Variants in MACROD1 observed in about 807,000 individuals in gnomAD.
MACROD1 encodes the protein mono-ADP ribosylhydrolase 1.
A neutral mutation model predicts 41.4 loss-of-function variants in MACROD1; 31 were observed. The ratio of observed to expected loss-of-function variants is 0.75; its 90% confidence interval spans 0.56 to 1.01. The LOEUF (loss-of-function observed/expected upper bound fraction) is 1.01. Among genes scored for constraint, MACROD1 ranks in the 50% least tolerant of loss-of-function variants. The probability of loss-of-function intolerance (pLI) is 0.00; values close to 1 mark genes in which losing one functional copy is unlikely to be tolerated. For synonymous variants in MACROD1, 252 were observed against 203.4 expected (o/e 1.24, Z -2.03); for missense variants, 473 against 460.0 (o/e 1.03, Z -0.26).
chr11:64,001,898 G>A (rs1179017283), intron 4 of MACROD1: 4 of 640,338 alleles, frequency 6.2e-6, no homozygotes, highest in Non-Finnish European at 1.1e-5. Flanking sequence ...ACAGATGTGT[G>A]ACCCCTCACA....
intron 3 of MACROD1, among the ~76,000 whole-genome samples, chr11:64,149,470 G>A (rs1232270176): frequency 3.3e-5 from 5 of 152,146 alleles, no homozygotes; most frequent in Admixed American, 1.3e-4. Flanking sequence ...AAAACCTGGC[G>A]ACTCCCAAGG....
chr11:64,044,414 CTAATTTTT>C (rs1299804425), intron 3 of MACROD1, among the ~76,000 whole-genome samples: 2 of 152,032 alleles, frequency 1.3e-5, no homozygotes, highest in Non-Finnish European at 2.9e-5. Flanking sequence ...AACACACTGG[CTAATTTTT>C]TAATTTGGCA....
chr11:64,088,046 C>T (rs996473232), intron 3 of MACROD1, among the ~76,000 whole-genome samples: 2 of 152,176 alleles, frequency 1.3e-5, no homozygotes, highest in African/African-American at 4.8e-5. Flanking sequence ...GTGGCCCTGT[C>T]ACTGGCTCTC....
chr11:64,150,606 A>G (rs1412784798), intron 3 of MACROD1, among the ~76,000 whole-genome samples: 1 of 152,200 alleles, frequency 6.6e-6, no homozygotes, highest in Non-Finnish European at 1.5e-5. Context: ...TTGGCACCCC[A>G]TGCCAAAGTC....
chr11:64,132,373 G>C (rs1945277951), intron 3 of MACROD1, among the ~76,000 whole-genome samples: 1 of 144,228 alleles, frequency 6.9e-6, no homozygotes, highest in Non-Finnish European at 1.5e-5. Flanking sequence ...GCCAAGAGCA[G>C]AAATTCTTTA....
rs76298781 is a variant in MACROD1, at chr11:64,000,338, C to T, written c.553G>A (p.Gly185Ser). 651 of 1,573,502 alleles carry T rather than the reference C, an allele frequency of 4.1e-4. 2 individuals carry two copies. In the African/African-American group the frequency reaches 8.3e-3, roughly 20 times the overall value. ...SSLLGGGGVD[G>S]CIHRAAGPLL... ...GGGCCGGCGGCCCGATGAATGCAGCCGTCCACTGCGGGAAGGGCGGGCGCG... is the reference window on the plus strand; with the variant it reads ...GGGCCGGCGGCCCGATGAATGCAGCTGTCCACTGCGGGAAGGGCGGGCGCG... Residue 185 changes from glycine (G) to serine (S), a missense_variant, in exon 5 of 11, where the codon GGC becomes AGC. Coordinates refer to ENST00000255681, the MANE Select transcript of MACROD1 (RefSeq NM_014067.4).
intron 3 of MACROD1, among the ~76,000 whole-genome samples, chr11:64,039,521 C>G (rs502224): frequency 6.6e-6 from 1 of 151,930 alleles, no homozygotes; most frequent in African/African-American, 2.4e-5. Flanking sequence ...CCATGGGACA[C>G]TCACCCTGAG....
rs185420622 is a variant in MACROD1, at chr11:64,086,949, T to A, written c.517+64290A>T. On this transcript the variant is annotated intron_variant, in intron 3 of 10. Coordinates refer to ENST00000255681, the MANE Select transcript of MACROD1 (RefSeq NM_014067.4). ...TGCCTCTCTCCTTGATGGCGGGGTA[T>A]GAAGAGAAGCCTTTTGACGCAGGGA... 11 of 152,244 alleles carry A rather than the reference T, an allele frequency of 7.2e-5. 1 individual carries two copies. The East Asian group carries it at 2.1e-3, about 30-fold the overall frequency. 9.4% of individuals were successfully genotyped at this position (152,244 alleles called of 1,614,324 possible). A position where few individuals can be genotyped will look rare whatever the true frequency, so the allele number is the denominator to read the frequency against.
At chr11:64,037,352 C>T (rs1195901259) in intron 3 of MACROD1, among the ~76,000 whole-genome samples, 2 of 152,118 alleles carry the variant, frequency 1.3e-5, no homozygotes, top group African/African-American at 2.4e-5. Flanking sequence ...AGGCAGCCGC[C>T]GCGCTCAGGG....
intron 3 of MACROD1, among the ~76,000 whole-genome samples, chr11:64,079,195 G>A (rs143639707): frequency 3.1e-3 from 478 of 152,254 alleles, no homozygotes; most frequent in Middle Eastern, 6.8e-3. Flanking sequence ...GTGGGATGAG[G>A]GAAGAGGGTG....
rs1944313883 is a variant in MACROD1 at position 64,082,068 on chromosome 11, G to A, written c.518-66787C>T. ...TGTGTGAGCTGCAGCGTCCTGGGCT[G>A]GGGCAGAGGGGCCGTGGCGAGAACA... On this transcript the variant is annotated intron_variant, in intron 3 of 10. Transcript: ENST00000255681. This position sits in a 1 kb window ranked among gnomAD's most constrained non-coding sequence, Gnocchi z 4.5. The A allele has an allele frequency of 6.6e-6, 1 of 152,270 alleles. No homozygotes were observed. Among genetic ancestry groups the A allele is most frequent in the Non-Finnish European group, 1.5e-5 (1 of 68,094 alleles). The allele number at this position is 152,270 out of a possible 1,614,324, so 9.4% of individuals were successfully genotyped here.
intron 3 of MACROD1, among the ~76,000 whole-genome samples, chr11:64,109,063 C>T (rs1388044633): frequency 1.3e-5 from 2 of 152,172 alleles, no homozygotes; most frequent in Non-Finnish European, 2.9e-5. Context: ...GACACTTCCT[C>T]TCCCCGCCTG....
chr11:64,033,203 T>C lies in MACROD1; in HGVS notation c.518-17922A>G, dbSNP rs113750071. 9.5e-3 allele frequency among the ~76,000 whole-genome samples: 1,442 copies of C among 152,290 alleles called. 28 individuals are homozygous for C. The highest frequency in any genetic ancestry group is 0.033 in the African/African-American group (1,354 of 41,548). On this transcript the variant is annotated intron_variant, in intron 3 of 10. Coordinates refer to ENST00000255681, the MANE Select transcript of MACROD1 (RefSeq NM_014067.4). ...GGTGCCCAGCCCCCATGCTGGAATTTCAGCTTTGCCAGGGCGAGATCCAGC... is the reference window on the plus strand; with the variant it reads ...GGTGCCCAGCCCCCATGCTGGAATTCCAGCTTTGCCAGGGCGAGATCCAGC...
chr11:63,998,900 G>C (rs372761829), intron 9 of MACROD1, 28 bp from the exon 10 acceptor site: 1 of 1,593,216 alleles, frequency 6.3e-7, no homozygotes, highest in Non-Finnish European at 8.5e-7. Flanking sequence ...GTGAGAGCCC[G>C]CCCCCAGGGT....
chr11:64,151,236 C>T lies in MACROD1; in HGVS notation c.517+3G>A, dbSNP rs370156974. 76 of 1,612,042 alleles carry T rather than the reference C, an allele frequency of 4.7e-5. No homozygotes were observed. The African/African-American group carries it at 9.5e-4, about 20-fold the overall frequency. On this transcript the variant is annotated splice_donor_region_variant and intron_variant, in intron 3 of 10. Coordinates refer to ENST00000255681, the MANE Select transcript of MACROD1 (RefSeq NM_014067.4). ...AGGTCTCTGGTTCAGGCCAGCCACT[C>T]ACCGGCGTTGACGATGGCGTCCACC... is the stretch of plus-strand genomic sequence containing the variant.
intron 3 of MACROD1, among the ~76,000 whole-genome samples, chr11:64,111,136 G>A (rs1396424569): frequency 6.6e-6 from 1 of 152,280 alleles, no homozygotes; most frequent in African/African-American, 2.4e-5. Context: ...CTGTGGCCAT[G>A]AGCTGAGCGG....
At chr11:64,086,124 G>A (rs1052829501) in intron 3 of MACROD1, among the ~76,000 whole-genome samples, 6 of 152,188 alleles carry the variant, frequency 3.9e-5, no homozygotes, top group African/African-American at 1.4e-4. Flanking sequence ...AGCACTGGTG[G>A]GGTGGGTGGC....
chr11:64,079,125 C>T (rs918968637), intron 3 of MACROD1, among the ~76,000 whole-genome samples: 5 of 136,946 alleles, frequency 3.7e-5, no homozygotes, highest in Non-Finnish European at 6.3e-5. Flanking sequence ...GGGCGGTGGA[C>T]GGGAGGGAGG....
chr11:64,011,816 C>G (rs931647244), intron 4 of MACROD1, among the ~76,000 whole-genome samples: 1 of 151,916 alleles, frequency 6.6e-6, no homozygotes, highest in Non-Finnish European at 1.5e-5. Context: ...AGGGACCCCA[C>G]GGGAAGATGG....
Sources: gnomAD v4.1 joint callset for allele counts (sites outside exome capture counted in the v4.1 genomes callset) on GRCh38, gnomAD v4.1.1 for gene constraint, Gnocchi (gnomAD v3.1) non-coding constraint, MANE v1.5 for transcripts, NCBI Gene and HGNC (gene_info 2026-07-23, HGNC 2026-07-21) for gene names.